Variants in ANKRD11 observed in about 807,000 individuals in gnomAD.
ANKRD11 encodes ankyrin repeat domain-containing protein 11.
ANKRD11 carries 17 observed loss-of-function variants against 195.7 expected under a neutral mutation model. The observed-to-expected ratio is 0.09, with a 90% CI of 0.06 to 0.13. The LOEUF is 0.13. ANKRD11 is among the 10% of genes least tolerant of loss of function. The probability of loss-of-function intolerance (pLI) is 1.00; values close to 1 mark genes in which losing one functional copy is unlikely to be tolerated. For synonymous variants in ANKRD11, 1,953 were observed against 1,528.1 expected (o/e 1.28, Z -6.49); for missense variants, 3,735 against 3,566.1 (o/e 1.05, Z -1.21).
intron 2 of ANKRD11, among the ~76,000 whole-genome samples, chr16:89,338,258 G>A (rs929709444): frequency 2.0e-5 from 3 of 151,970 alleles, no homozygotes; most frequent in African/African-American, 7.3e-5. Context: ...TGCCATGAGC[G>A]CCACACTGTG....
intron 1 of ANKRD11, among the ~76,000 whole-genome samples, chr16:89,489,861 A>G (rs1247839806): frequency 1.1e-5 from 1 of 92,714 alleles, no homozygotes; most frequent in African/African-American, 4.3e-5. Context: ...GGAGCCCCCA[A>G]TCGGCCCCTC....
chr16:89,473,256 A>C (rs1363373631), intron 1 of ANKRD11, among the ~76,000 whole-genome samples: 1 of 152,094 alleles, frequency 6.6e-6, no homozygotes, highest in African/African-American at 2.4e-5. Context: ...GAGAGAAGGG[A>C]ATTTGAGGCA....
chr16:89,457,819 T>C (rs1309269219), intron 1 of ANKRD11, among the ~76,000 whole-genome samples: 6 of 152,100 alleles, frequency 3.9e-5, no homozygotes, highest in Non-Finnish European at 8.8e-5. Context: ...GCTTTTATTA[T>C]ATAAAGTATA....
chr16:89,487,100 T>G (rs2057643025), intron 1 of ANKRD11, among the ~76,000 whole-genome samples: 1 of 152,182 alleles, frequency 6.6e-6, no homozygotes, highest in African/African-American at 2.4e-5. Flanking sequence ...TTATTTGAAT[T>G]CATTCCATTT....
chr16:89,394,385 T>C (rs1340653431), intron 2 of ANKRD11, among the ~76,000 whole-genome samples: 1 of 152,160 alleles, frequency 6.6e-6, no homozygotes, highest in East Asian at 1.9e-4. Flanking sequence ...TCCCAGCACT[T>C]TGGGAGGCCA....
At position 89,464,263 on chromosome 16, in the gene ANKRD11, G is replaced by A. The variant is rs553601965; in HGVS notation, c.-145+25982C>T. Reference sequence around the variant, plus strand: ...CAAAAGAAAAAAAAAGATCACAATGGTGGAATCTAACCCTCTTATCTAAAA... The same window carrying A: ...CAAAAGAAAAAAAAAGATCACAATGATGGAATCTAACCCTCTTATCTAAAA... On this transcript the variant is annotated intron_variant, in intron 1 of 12. Transcript: ENST00000301030. 2.0e-4 allele frequency among the ~76,000 whole-genome samples: 30 copies of A among 149,874 alleles called. No individual in the cohort carries two copies. The East Asian group carries it at 5.8e-3, about 29-fold the overall frequency.
At chr16:89,369,209 T>C (rs2040084996) in intron 2 of ANKRD11, among the ~76,000 whole-genome samples, 1 of 152,010 alleles carries the variant, frequency 6.6e-6, no homozygotes, top group South Asian at 2.1e-4. Context: ...AACAATAATC[T>C]TCAAAGGGCT....
At position 89,413,090 on chromosome 16, in the gene ANKRD11, C is replaced by T. The variant is rs116529102; in HGVS notation, c.-60+5194G>A. Among the ~76,000 whole-genome samples, 954 of 152,244 alleles carry T rather than the reference C, an allele frequency of 6.3e-3. 8 individuals carry two copies. The highest frequency in any genetic ancestry group is 0.022 in the African/African-American group (895 of 41,530). ...AGGGGGAGGGAGTAGGAGGGGGCGC[C>T]GCTCAGCCACAAGTGCCCATTTTCA... On this transcript the variant is annotated intron_variant, in intron 2 of 12. Coordinates refer to ENST00000301030, the MANE Select transcript of ANKRD11 (RefSeq NM_013275.6).
In ANKRD11 at chr16:89,280,580, G is replaced by C. The variant is rs534220503; in HGVS notation, c.5962C>G (p.Pro1988Ala). ...GGGCAGAAACGCTTTGGGGACTCGG[G>C]GAATCTCTGTGGAGACTTCAGCAGG... ...DLLLKSPQRFPESPKRFCPAD... is the reference protein window; with the variant it reads ...DLLLKSPQRFAESPKRFCPAD... Residue 1988 changes from proline to alanine, a missense_variant, in exon 9 of 13, where the codon CCC (proline) becomes GCC (alanine). By Grantham distance (27) the Pro-to-Ala change is conservative. Transcript: ENST00000301030. 6.2e-7 allele frequency: 1 copy of C among 1,613,458 alleles called. No individual in the cohort carries two copies. The highest frequency in any genetic ancestry group is 1.3e-5 in the African/African-American group (1 of 75,052).
chr16:89,433,640 G>A (rs976827888), intron 1 of ANKRD11, among the ~76,000 whole-genome samples: 1 of 151,876 alleles, frequency 6.6e-6, no homozygotes, highest in Non-Finnish European at 1.5e-5. Context: ...CAGCAGGGCT[G>A]GGCACGCCAC....
At chr16:89,437,144 G>A (rs531886317) in intron 1 of ANKRD11, among the ~76,000 whole-genome samples, 2 of 152,164 alleles carry the variant, frequency 1.3e-5, no homozygotes, top group South Asian at 2.1e-4. Context: ...GGAACGAAGC[G>A]AACAGATCCA....
chr16:89,368,402 T>TTTTA (rs1567708994), intron 2 of ANKRD11, among the ~76,000 whole-genome samples: 1 of 94,764 alleles, frequency 1.1e-5, no homozygotes, highest in African/African-American at 4.0e-5. Flanking sequence ...TTTTTTTTTT[T>TTTTA]AGTAGAGATG....
intron 1 of ANKRD11, among the ~76,000 whole-genome samples, chr16:89,436,382 T>A (rs1158449542): frequency 1.3e-5 from 2 of 151,244 alleles, no homozygotes; most frequent in African/African-American, 4.9e-5. Context: ...GCCACTGCAC[T>A]CCAGCCTGGG....
rs183314585 is a variant in ANKRD11 at position 89,417,970 on chromosome 16, T to C, written c.-60+314A>G. ...GGGGGTCTCAGTCATCACCAGACCA[T>C]CTGAGGATGAAGAAAATTAAAGGAG... On this transcript the variant is annotated intron_variant, in intron 2 of 12. Coordinates refer to ENST00000301030, the MANE Select transcript of ANKRD11 (RefSeq NM_013275.6). Among the ~76,000 whole-genome samples the C allele has an allele frequency of 4.7e-4, 72 of 152,288 alleles. No homozygotes were observed. The South Asian group carries it at 4.8e-3, about 10-fold the overall frequency.
At chr16:89,409,691 A>G (rs534422177) in intron 2 of ANKRD11, among the ~76,000 whole-genome samples, 1 of 152,136 alleles carries the variant, frequency 6.6e-6, no homozygotes, top group South Asian at 2.1e-4. Flanking sequence ...CGTGTTACTA[A>G]AAGTTTCCAT....
At chr16:89,416,322 CAG>C (rs1266341913) in intron 2 of ANKRD11, among the ~76,000 whole-genome samples, 2 of 151,798 alleles carry the variant, frequency 1.3e-5, no homozygotes, top group African/African-American at 2.4e-5. Context: ...TCCCCAGAGA[CAG>C]AGTCTTGCTC....
Position 89,283,497 on chromosome 16 carries a change from G to A in ANKRD11, c.3045C>T (p.Pro1015=), listed in dbSNP as rs150652124. The change falls in exon 9 of 13, where the codon CCC becomes CCT. Residue 1015 remains proline (P), a synonymous_variant. Transcript: ENST00000301030. This position sits in a 1 kb window ranked among gnomAD's most constrained non-coding sequence, Gnocchi z 4.3. ...TTGTCTTCTCCTTCCTTTCCTTATC[G>A]GGGCCATCCTTCTTCTCCTTCTCTC... is the stretch of plus-strand genomic sequence containing the variant. ...PAREKEKKDG[P]DKERKEKTKP... 48 of 1,613,494 alleles carry A rather than the reference G, an allele frequency of 3.0e-5. No homozygotes were observed. Among genetic ancestry groups the A allele is most frequent in the East Asian group, 2.2e-4 (10 of 44,882 alleles).
intron 2 of ANKRD11, among the ~76,000 whole-genome samples, chr16:89,337,815 C>T (rs1162038953): frequency 2.6e-5 from 4 of 152,164 alleles, no homozygotes; most frequent in East Asian, 1.9e-4. Flanking sequence ...CCAAGTCGCA[C>T]GAGCAAGGCT....
rs373218212 is a variant in ANKRD11 at position 89,280,477 on chromosome 16, G to A, written c.6065C>T (p.Pro2022Leu). ...EAPYPAPPASPAPYALPVAEP... is the reference protein window; with the variant it reads ...EAPYPAPPASLAPYALPVAEP... ...AGCGACGGGCAGAGCGTACGGGGCA[G>A]GAGAGGCGGGAGGGGCGGGGTACGG... Residue 2022 changes from proline to leucine, a missense_variant, in exon 9 of 13, where the codon CCT (proline) becomes CTT (leucine). Physicochemically the swap from Pro to Leu is moderately conservative, Grantham distance 98 (BLOSUM62 -3). Transcript: ENST00000301030. The A allele has an allele frequency of 9.2e-4, 1,458 of 1,584,268 alleles. 4 individuals are homozygous for A. Among genetic ancestry groups the A allele is most frequent in the Middle Eastern group, 6.3e-3 (36 of 5,688 alleles).
Sources: gnomAD v4.1 joint callset for allele counts (sites outside exome capture counted in the v4.1 genomes callset) on GRCh38, gnomAD v4.1.1 for gene constraint, Gnocchi (gnomAD v3.1) non-coding constraint, MANE v1.5 for transcripts, NCBI Gene and HGNC (gene_info 2026-07-23, HGNC 2026-07-21) for gene names.